The following HSF2BP variants were observed in gnomAD, a reference collection of about 807,000 sequenced individuals.
The protein encoded by HSF2BP is heat shock transcription factor 2 binding protein, also known as heat shock factor 2-binding protein.
Under a neutral mutation model 35.0 loss-of-function variants are expected in HSF2BP, and 35 were observed. The ratio of observed to expected loss-of-function variants is 1.00; its 90% CI spans 0.76 to 1.32. The LOEUF (loss-of-function observed/expected upper bound fraction) is 1.32. Among genes scored for constraint, HSF2BP ranks in the 40% most tolerant of loss-of-function variants. The probability of loss-of-function intolerance (pLI) is 0.00; values close to 1 mark genes in which losing one functional copy is unlikely to be tolerated. For synonymous variants in HSF2BP, 114 were observed against 117.4 expected (o/e 0.97, Z 0.18); for missense variants, 326 against 321.7 (o/e 1.01, Z -0.10).
chr21:43,592,226 A>G lies in HSF2BP; in HGVS notation c.795T>C (p.Ser265=). The G allele has an allele frequency of 6.2e-7, 1 of 1,608,284 alleles. No individual in the cohort carries two copies. Among genetic ancestry groups the G allele is most frequent in the Non-Finnish European group, 8.5e-7 (1 of 1,174,812 alleles). Residue 265 remains serine, a splice_region_variant and synonymous_variant, in exon 8 of 9, where the codon AGT becomes AGC. Coordinates refer to ENST00000291560, the MANE Select transcript of HSF2BP (RefSeq NM_007031.2). ...TGGACAGATAACCACCCCCCTTACC[A>G]CTCAAAAGCCACCACAGCAAAGGGA... ...GFIPLLWWLL[S]DPDAEVCLHV... is the part of the protein sequence containing the mutation.
chr21:43,605,850 C>T (rs772748507), intron 7 of HSF2BP, among the ~76,000 whole-genome samples: 6 of 151,742 alleles, frequency 4.0e-5, no homozygotes, highest in Non-Finnish European at 8.8e-5. Context: ...TACCCACATA[C>T]ACATACACCA....
chr21:43,619,397 C>A (rs1210096345), intron 6 of HSF2BP, among the ~76,000 whole-genome samples: 2 of 152,110 alleles, frequency 1.3e-5, no homozygotes, highest in Non-Finnish European at 2.9e-5. Flanking sequence ...GGCATAGAAG[C>A]AAGTTGGCTT....
At chr21:43,600,307 C>A (rs2082036853) in intron 7 of HSF2BP, among the ~76,000 whole-genome samples, 1 of 152,162 alleles carries the variant, frequency 6.6e-6, no homozygotes, top group Admixed American at 6.5e-5. Flanking sequence ...TCAAAACAAA[C>A]TAGCAATAAA....
intron 8 of HSF2BP, among the ~76,000 whole-genome samples, chr21:43,578,084 G>T (rs535716508): frequency 1.8e-4 from 28 of 152,286 alleles, no homozygotes; most frequent in African/African-American, 6.5e-4. Context: ...CACAAAGCCT[G>T]TTTGGTGGAC....
chr21:43,600,041 G>A (rs2146833938), intron 7 of HSF2BP, among the ~76,000 whole-genome samples: 1 of 152,132 alleles, frequency 6.6e-6, no homozygotes, highest in Admixed American at 6.5e-5. Context: ...TAAAATAAAG[G>A]TACTGGTGAA....
chr21:43,609,239 C>T (rs747553976), intron 7 of HSF2BP, among the ~76,000 whole-genome samples: 6 of 152,000 alleles, frequency 3.9e-5, no homozygotes, highest in Admixed American at 6.6e-5. Context: ...TTGGTATACG[C>T]GGACATAAAG....
At chr21:43,506,161 G>C in the HSF2BP span, among the ~76,000 whole-genome samples, 1 of 130,168 alleles carries the variant, frequency 7.7e-6, no homozygotes, top group Non-Finnish European at 1.7e-5. Context: ...ACTGGGGAGA[G>C]GCCCTGCCTC....
the HSF2BP span, among the ~76,000 whole-genome samples, chr21:43,499,996 C>A: frequency 1.2e-5 from 1 of 84,026 alleles, no homozygotes. Context: ...CACACACACA[C>A]CCACACACCA....
intron 7 of HSF2BP, among the ~76,000 whole-genome samples, chr21:43,593,671 A>G (rs2081953505): frequency 6.6e-6 from 1 of 152,214 alleles, no homozygotes; most frequent in East Asian, 1.9e-4. Flanking sequence ...AGAATGTACA[A>G]AAATGAAAAC....
intron 8 of HSF2BP, among the ~76,000 whole-genome samples, chr21:43,578,424 T>G (rs2081673627): frequency 6.6e-6 from 1 of 152,022 alleles, no homozygotes; most frequent in Non-Finnish European, 1.5e-5. Context: ...AGTCATATGA[T>G]CCACGAAAGG....
chr21:43,600,466 T>A (rs1377516798), intron 7 of HSF2BP, among the ~76,000 whole-genome samples: 1 of 152,200 alleles, frequency 6.6e-6, no homozygotes, highest in Non-Finnish European at 1.5e-5. Context: ...TACAAAAGAC[T>A]GCATGTAATT....
chr21:43,506,835 C>T, the HSF2BP span, among the ~76,000 whole-genome samples: 1 of 119,102 alleles, frequency 8.4e-6, no homozygotes, highest in South Asian at 2.9e-4. Flanking sequence ...CCATTCAAAA[C>T]AACCCACAAG....
intron 7 of HSF2BP, among the ~76,000 whole-genome samples, chr21:43,593,008 C>A (rs562140608): frequency 1.4e-4 from 21 of 152,242 alleles, no homozygotes; most frequent in African/African-American, 4.3e-4. Flanking sequence ...AAAGGCTAGA[C>A]AAATATTTTT....
chr21:43,584,813 T>C (rs1444667059), intron 8 of HSF2BP, among the ~76,000 whole-genome samples: 3 of 152,166 alleles, frequency 2.0e-5, no homozygotes, highest in Non-Finnish European at 4.4e-5. Context: ...GGGAGTTTCC[T>C]CTCAGGATGC....
intron 3 of HSF2BP, among the ~76,000 whole-genome samples, chr21:43,645,837 G>C (rs2082701765): frequency 6.6e-6 from 1 of 152,114 alleles, no homozygotes; most frequent in Non-Finnish European, 1.5e-5. Flanking sequence ...GACACTTGTG[G>C]GGACTGCTTA....
In HSF2BP at chr21:43,602,778, T is replaced by C. The variant is rs937401542; in HGVS notation, c.693-10450A>G. On this transcript the variant is annotated intron_variant, in intron 7 of 8. Transcript: ENST00000291560. ...GCAGAGGTGTTCTCATCACAGACACTACACCCCAACTGGAAATCCAAGGAG... is the reference window on the plus strand; with the variant it reads ...GCAGAGGTGTTCTCATCACAGACACCACACCCCAACTGGAAATCCAAGGAG... Among the ~76,000 whole-genome samples, 3 of 152,148 alleles carry C rather than the reference T, an allele frequency of 2.0e-5. 1 individual carries two copies. Among genetic ancestry groups the C allele is most frequent in the Non-Finnish European group, 4.4e-5 (3 of 68,026 alleles).
At chr21:43,591,780 G>A (rs1352044696) in intron 8 of HSF2BP, among the ~76,000 whole-genome samples, 3 of 152,116 alleles carry the variant, frequency 2.0e-5, no homozygotes, top group South Asian at 2.1e-4. Flanking sequence ...ACCATTCTGC[G>A]TAGCATGATG....
intron 4 of HSF2BP, among the ~76,000 whole-genome samples, chr21:43,637,698 A>ATAGGCATAT (rs2147050958): frequency 6.6e-6 from 1 of 151,890 alleles, no homozygotes; most frequent in East Asian, 1.9e-4. Context: ...CTATAGACTC[A>ATAGGCATAT]GGAGGTTCAG....
chr21:43,616,873 G>A (rs980988709), intron 6 of HSF2BP, among the ~76,000 whole-genome samples: 3 of 151,746 alleles, frequency 2.0e-5, no homozygotes, highest in Non-Finnish European at 4.4e-5. Flanking sequence ...AGAGTTTGCA[G>A]TGAGCTGAGA....
Sources: gnomAD v4.1 joint callset for allele counts (sites outside exome capture counted in the v4.1 genomes callset) on GRCh38, gnomAD v4.1.1 for gene constraint, MANE v1.5 for transcripts, NCBI Gene and HGNC (gene_info 2026-07-23, HGNC 2026-07-21) for gene names.